The following FAM110B variants were observed in gnomAD, a reference collection of about 807,000 sequenced individuals.
The protein encoded by FAM110B is protein FAM110B.
FAM110B carries 6 observed loss-of-function variants against 20.4 expected under a neutral mutation model. The ratio of observed to expected loss-of-function variants is 0.29; its 90% confidence interval spans 0.16 to 0.58. The LOEUF is 0.58. Among genes scored for constraint, FAM110B ranks in the 20% least tolerant of loss-of-function variants. The pLI is 0.90. For synonymous variants in FAM110B, 226 were observed against 214.1 expected (o/e 1.06, Z -0.49); for missense variants, 434 against 498.2 (o/e 0.87, Z 1.23).
At chr8:58,029,511 A>G (rs1563501838) in intron 1 of FAM110B, among the ~76,000 whole-genome samples, 1 of 152,104 alleles carries the variant, frequency 6.6e-6, no homozygotes. Flanking sequence ...TTGACTCGTG[A>G]TGTTGTAATC....
chr8:58,028,834 C>T (rs1239112748), intron 1 of FAM110B, among the ~76,000 whole-genome samples: 4 of 152,236 alleles, frequency 2.6e-5, no homozygotes, highest in Admixed American at 1.3e-4. Flanking sequence ...TTTATTTCTG[C>T]GGAATCTGTC....
chr8:58,104,908 C>T (rs1001471132), intron 3 of FAM110B, among the ~76,000 whole-genome samples: 3 of 147,010 alleles, frequency 2.0e-5, no homozygotes, highest in East Asian at 2.0e-4. Context: ...TCAGCCACAT[C>T]GTATTACTGA....
intron 3 of FAM110B, among the ~76,000 whole-genome samples, chr8:58,103,874 A>G (rs763697451): frequency 3.3e-5 from 5 of 152,006 alleles, no homozygotes; most frequent in Admixed American, 6.6e-5. Context: ...TGTTGATTAC[A>G]CTCTAATCTA....
chr8:58,101,192 C>G (rs980130860), intron 3 of FAM110B, among the ~76,000 whole-genome samples: 8 of 151,856 alleles, frequency 5.3e-5, no homozygotes. Context: ...AAAAAAAAAC[C>G]TGTTTACTAT....
intron 2 of FAM110B, among the ~76,000 whole-genome samples, chr8:58,052,317 T>C (rs1048677779): frequency 6.6e-6 from 1 of 152,206 alleles, no homozygotes; most frequent in African/African-American, 2.4e-5. Context: ...AACAAAGTTC[T>C]GATGCAATGC....
chr8:57,995,037 G>A (rs1027183536), intron 1 of FAM110B, among the ~76,000 whole-genome samples: 1 of 152,092 alleles, frequency 6.6e-6, no homozygotes, highest in Non-Finnish European at 1.5e-5. Context: ...GCTGCCGGGG[G>A]AGGCGCAGCG....
chr8:58,069,321 C>T (rs1384843627), intron 2 of FAM110B, among the ~76,000 whole-genome samples: 2 of 152,206 alleles, frequency 1.3e-5, no homozygotes, highest in African/African-American at 2.4e-5. Context: ...GTGCTAAGCA[C>T]TTACAGCTCA....
intron 3 of FAM110B, among the ~76,000 whole-genome samples, chr8:58,087,917 C>A (rs777696509): frequency 1.8e-4 from 27 of 152,096 alleles, no homozygotes; most frequent in Non-Finnish European, 3.7e-4. Context: ...AGTAAATTAT[C>A]AATGGGAAAG....
chr8:58,071,843 T>C (rs1383578386), intron 2 of FAM110B, among the ~76,000 whole-genome samples: 1 of 152,224 alleles, frequency 6.6e-6, no homozygotes. Context: ...AGACACCTTG[T>C]GTGGTGAAAT....
At chr8:58,038,196 A>G (rs2150575506) in intron 2 of FAM110B, among the ~76,000 whole-genome samples, 1 of 152,312 alleles carries the variant, frequency 6.6e-6, no homozygotes, top group South Asian at 2.1e-4. Context: ...TCACTTAAAA[A>G]TTAAGTATCA....
At chr8:58,064,646 C>T (rs1055606096) in intron 2 of FAM110B, among the ~76,000 whole-genome samples, 2 of 152,012 alleles carry the variant, frequency 1.3e-5, no homozygotes, top group Non-Finnish European at 2.9e-5. Context: ...TGCCATCATC[C>T]AAGTGGGGAG....
At chr8:58,064,416 G>C (rs1805721071) in intron 2 of FAM110B, among the ~76,000 whole-genome samples, 1 of 151,390 alleles carries the variant, frequency 6.6e-6, no homozygotes, top group Admixed American at 6.6e-5. Context: ...AATTTCAAAA[G>C]TTATTCCAAA....
intron 2 of FAM110B, among the ~76,000 whole-genome samples, chr8:58,054,327 G>A (rs1237904754): frequency 6.6e-6 from 1 of 152,140 alleles, no homozygotes; most frequent in East Asian, 1.9e-4. Flanking sequence ...GCACCAACTA[G>A]AAACAGTCTA....
chr8:58,146,034 A>C lies in FAM110B; in HGVS notation c.-197A>C. The C allele has an allele frequency of 3.6e-6, 2 of 551,474 alleles. No individual in the cohort carries two copies. The highest frequency in any genetic ancestry group is 6.2e-6 in the Non-Finnish European group (2 of 320,524). 34.2% of individuals were successfully genotyped at this position (551,474 alleles called of 1,614,324 possible). A position where few individuals can be genotyped will look rare whatever the true frequency, so the allele number is the denominator to read the frequency against. On this transcript the variant is annotated 5_prime_UTR_variant, in exon 4 of 4. Transcript: ENST00000519262. ...CCTTTTTGTGCAAGGGCCGCCTGGA[A>C]GGGGAGAAAAGTGTATGAAAGCCAC...
intron 2 of FAM110B, among the ~76,000 whole-genome samples, chr8:58,040,865 A>G (rs1175546203): frequency 1.3e-5 from 2 of 152,086 alleles, no homozygotes; most frequent in African/African-American, 4.8e-5. Flanking sequence ...TATAGCTAAA[A>G]TAATAAATGG....
intron 2 of FAM110B, among the ~76,000 whole-genome samples, chr8:58,067,704 GCT>G (rs1461178653): frequency 1.3e-5 from 2 of 152,190 alleles, no homozygotes; most frequent in African/African-American, 2.4e-5. Context: ...GAATCAGAAT[GCT>G]CTGTTATTCC....
At chr8:58,069,194 G>A (rs1459310948) in intron 2 of FAM110B, among the ~76,000 whole-genome samples, 1 of 152,152 alleles carries the variant, frequency 6.6e-6, no homozygotes, top group East Asian at 1.9e-4. Flanking sequence ...ACATGTTGAG[G>A]TACTCTCTTG....
chr8:58,142,844 G>A (rs565482252), intron 3 of FAM110B, among the ~76,000 whole-genome samples: 1 of 152,310 alleles, frequency 6.6e-6, no homozygotes, highest in South Asian at 2.1e-4. Context: ...ACCCTACGGG[G>A]CCAAGATCTA....
chr8:58,106,972 A>G (rs1282451010), intron 3 of FAM110B, among the ~76,000 whole-genome samples: 1 of 152,244 alleles, frequency 6.6e-6, no homozygotes, highest in East Asian at 1.9e-4. Flanking sequence ...AAGGTCACAG[A>G]AGAGTCATAA....
Sources: allele counts gnomAD v4.1 joint callset (sites outside exome capture counted in the v4.1 genomes callset), GRCh38; gene constraint gnomAD v4.1.1; transcripts MANE v1.5; gene names NCBI Gene and HGNC (gene_info 2026-07-23, HGNC 2026-07-21).